The following PRKCH variants were observed in gnomAD, a reference collection of about 807,000 sequenced individuals.
PRKCH encodes protein kinase C eta type.
In PRKCH, 28 loss-of-function variants were observed where a neutral mutation model predicts 82.5. That is an observed-to-expected ratio of 0.34 (90% CI 0.25 to 0.47). The LOEUF is 0.47. PRKCH is among the 20% of genes least tolerant of loss of function. PRKCH has a pLI of 1.00. For missense variants in PRKCH, 705 were observed against 881.8 expected (o/e 0.80, Z 2.54); for synonymous variants, 322 against 327.4 (o/e 0.98, Z 0.18).
chr14:61,230,095 A>G (rs935131433), intron 1 of PRKCH, among the ~76,000 whole-genome samples: 8 of 152,152 alleles, frequency 5.3e-5, no homozygotes, highest in African/African-American at 1.9e-4. Flanking sequence ...ATTCAGTGAA[A>G]AAAGGTACAG....
At chr14:61,453,379 C>G in intron 7 of PRKCH, 26 bp downstream of exon 7, 3 of 1,606,544 alleles carry the variant, frequency 1.9e-6, no homozygotes, top group Non-Finnish European at 2.6e-6. Flanking sequence ...TTTTCCATGT[C>G]TCGTAATTTA....
At position 61,321,641 on chromosome 14, in the gene PRKCH, TG is replaced by T. The variant is rs908134619; in HGVS notation, c.-459del. 455 of 152,368 alleles carry T rather than the reference TG, an allele frequency of 3.0e-3. 5 individuals carry two copies. Among genetic ancestry groups the T allele is most frequent in the Non-Finnish European group, 5.4e-3 (369 of 68,438 alleles). The allele number at this position is 152,368 out of a possible 1,614,324, so 9.4% of individuals were successfully genotyped here. A position where few individuals can be genotyped will look rare whatever the true frequency, so the allele number is the denominator to read the frequency against. ...GGATGCGGCGGCGGCAGCTGCTTCCTGGTTTGAAGCTCGCCGAGTGGGGGAG... is the reference window on the plus strand; with the variant it reads ...GGATGCGGCGGCGGCAGCTGCTTCCTGTTTGAAGCTCGCCGAGTGGGGGAG... On this transcript the variant is annotated 5_prime_UTR_variant, in exon 1 of 14. An upstream open reading frame in the 5' UTR gains an earlier in-frame stop. Coordinates refer to ENST00000332981, the MANE Select transcript of PRKCH (RefSeq NM_006255.5). This position sits in a 1 kb window ranked among gnomAD's most constrained non-coding sequence, Gnocchi z 4.1.
intron 10 of PRKCH, chr14:61,492,223 T>C (rs1379957523): frequency 6.6e-6 from 1 of 152,250 alleles, no homozygotes; most frequent in African/African-American, 2.4e-5. Context: ...GACTTCAAGA[T>C]TTTATTAAAC....
intron 1 of PRKCH, among the ~76,000 whole-genome samples, chr14:61,210,092 C>CAA (rs1566781589): frequency 7.4e-5 from 5 of 67,722 alleles, no homozygotes; most frequent in African/African-American, 2.2e-4. Context: ...AAACAAAAAA[C>CAA]AAAACAAACA....
chr14:61,489,666 A>G (rs1407994619), intron 10 of PRKCH, among the ~76,000 whole-genome samples: 1 of 152,206 alleles, frequency 6.6e-6, no homozygotes, highest in Non-Finnish European at 1.5e-5. Flanking sequence ...AGTTCTCCCA[A>G]GGGGAAAAAA....
intron 1 of PRKCH, among the ~76,000 whole-genome samples, chr14:61,267,257 G>T (rs1326855273): frequency 6.6e-6 from 1 of 152,078 alleles, no homozygotes. Context: ...CATCAACTTC[G>T]CATACTCACA....
intron 1 of PRKCH, among the ~76,000 whole-genome samples, chr14:61,284,199 G>A (rs2045295377): frequency 6.6e-6 from 1 of 152,196 alleles, no homozygotes; most frequent in African/African-American, 2.4e-5. Context: ...GCTGGGTATT[G>A]GGCTCCCGCA....
intron 10 of PRKCH, among the ~76,000 whole-genome samples, chr14:61,499,745 A>G (rs944930295): frequency 8.4e-6 from 1 of 119,226 alleles, no homozygotes; most frequent in African/African-American, 3.1e-5. Context: ...CCGTACTTAA[A>G]CACCTATAAG....
intron 10 of PRKCH, among the ~76,000 whole-genome samples, chr14:61,517,204 TTC>T (rs1434397136): frequency 3.1e-4 from 47 of 152,208 alleles, no homozygotes; most frequent in African/African-American, 1.1e-3. Context: ...CCGTAAATTC[TTC>T]TCTTTCCTGT....
chr14:61,212,289 A>C (rs1303451785), intron 1 of PRKCH, among the ~76,000 whole-genome samples: 1 of 152,246 alleles, frequency 6.6e-6, no homozygotes, highest in African/African-American at 2.4e-5. Context: ...AGTGTTTTTC[A>C]ATACTGTCGA....
Position 61,535,172 on chromosome 14 carries a change from A to T in PRKCH, c.1761+4577A>T, listed in dbSNP as rs540037867. Among the ~76,000 whole-genome samples the T allele has an allele frequency of 3.3e-5, 5 of 152,316 alleles. No individual in the cohort carries two copies. In the South Asian group the frequency reaches 1.0e-3, roughly 32 times the overall value. ...ATATAATAGGCTTATATCAATGCAT[A>T]TGTGCATAGCAGGCATGGGTTCTGC... On this transcript the variant is annotated intron_variant, in intron 12 of 13. Transcript: ENST00000332981.
At chr14:61,301,744 G>A (rs1289285800) in intron 1 of PRKCH, among the ~76,000 whole-genome samples, 1 of 152,224 alleles carries the variant, frequency 6.6e-6, no homozygotes, top group Non-Finnish European at 1.5e-5. Flanking sequence ...AGGAGGCTGA[G>A]GTGGGAGGAT....
At chr14:61,322,655 T>C in intron 1 of PRKCH, 191 bp downstream of exon 1, 1 of 743,674 alleles carries the variant, frequency 1.3e-6, no homozygotes, top group Non-Finnish European at 2.1e-6. Flanking sequence ...CGCAGGTGTG[T>C]CTCCAGGAAG....
chr14:61,468,133 T>G (rs1037987051), intron 9 of PRKCH, among the ~76,000 whole-genome samples: 7 of 152,352 alleles, frequency 4.6e-5, no homozygotes, highest in Non-Finnish European at 7.3e-5. Flanking sequence ...TTTTGGCCTT[T>G]TGGGAAATAC....
rs145465969 is a variant in PRKCH at position 61,450,859 on chromosome 14, C to T, written c.720C>T (p.Phe240=). ...KVDSKIAEQR[F]GINIPHKFSI... ...TTTTACAGATTGCAGAACAGAGGTT[C>T]GGGATCAACATCCCACACAAGTTCA... is the stretch of plus-strand genomic sequence containing the variant. The change falls in exon 6 of 14, where the codon TTC becomes TTT. Residue 240 remains phenylalanine, a synonymous_variant. Transcript: ENST00000332981. 259 of 1,613,638 alleles carry T rather than the reference C, an allele frequency of 1.6e-4. No individual in the cohort carries two copies. In the African/African-American group the frequency reaches 2.5e-3, roughly 15 times the overall value.
intron 10 of PRKCH, among the ~76,000 whole-genome samples, chr14:61,494,982 T>C (rs574096294): frequency 2.0e-5 from 3 of 152,380 alleles, no homozygotes; most frequent in African/African-American, 7.2e-5. Context: ...TGACAGGTTG[T>C]ACAACCTGAA....
intron 7 of PRKCH, 73 bp from the exon 8 acceptor site, chr14:61,457,103 A>G: frequency 1.3e-6 from 2 of 1,534,948 alleles, no homozygotes; most frequent in Non-Finnish European, 1.8e-6. Context: ...CCCAGCCAAT[A>G]AGGTCTTCTT....
chr14:61,308,619 G>A (rs1005310754), intron 1 of PRKCH, among the ~76,000 whole-genome samples: 2 of 152,086 alleles, frequency 1.3e-5, no homozygotes, highest in African/African-American at 4.8e-5. Context: ...GTGTGTGTAT[G>A]TTATATATTA....
At chr14:61,503,565 G>A (rs1161640259) in intron 10 of PRKCH, among the ~76,000 whole-genome samples, 1 of 152,118 alleles carries the variant, frequency 6.6e-6, no homozygotes, top group East Asian at 1.9e-4. Flanking sequence ...GTTTCAGAAT[G>A]TAAAATATGA....
Sources: allele counts gnomAD v4.1 joint callset (sites outside exome capture counted in the v4.1 genomes callset), GRCh38; gene constraint gnomAD v4.1.1; non-coding constraint Gnocchi (gnomAD v3.1); transcripts MANE v1.5; gene names NCBI Gene and HGNC (gene_info 2026-07-23, HGNC 2026-07-21).